ANKS1B: variants seen among roughly 807,000 people sequenced by gnomAD.
ANKS1B encodes ankyrin repeat and sterile alpha motif domain-containing protein 1B.
Under a neutral mutation model 148.3 loss-of-function variants are expected in ANKS1B, and 36 were observed. The observed-to-expected ratio is 0.24, with a 90% confidence interval of 0.19 to 0.32. The LOEUF (loss-of-function observed/expected upper bound fraction) is 0.32. ANKS1B is among the 10% of genes least tolerant of loss of function. The pLI, the probability that ANKS1B is intolerant of heterozygous loss-of-function variation, is 1.00. For synonymous variants in ANKS1B, 542 were observed against 560.8 expected (o/e 0.97, Z 0.47); for missense variants, 1,157 against 1,542.6 (o/e 0.75, Z 4.19).
At chr12:99,477,726 T>A (rs1357965506) in intron 10 of ANKS1B, among the ~76,000 whole-genome samples, 1 of 152,178 alleles carries the variant, frequency 6.6e-6, no homozygotes, top group African/African-American at 2.4e-5. Context: ...CACTAAGGTA[T>A]ACAAACATTT....
chr12:99,789,172 G>C (rs186644321), intron 4 of ANKS1B, among the ~76,000 whole-genome samples: 1 of 152,152 alleles, frequency 6.6e-6, no homozygotes, highest in African/African-American at 2.4e-5. Context: ...CAGAAAGACA[G>C]ACTCTGTTTC....
chr12:98,847,580 A>T (rs1004454967), intron 17 of ANKS1B, among the ~76,000 whole-genome samples: 11 of 133,102 alleles, frequency 8.3e-5, no homozygotes, highest in Admixed American at 1.6e-4. Flanking sequence ...GAGTGCAGGT[A>T]TCTCCTCAAG....
intron 23 of ANKS1B, 114 bp from the exon 24 acceptor site, chr12:98,781,317 C>T (rs754086276): frequency 1.2e-4 from 64 of 519,016 alleles, no homozygotes; most frequent in Middle Eastern, 2.9e-4. Context: ...AACAACAACA[C>T]ACACACACAC....
chr12:99,387,959 T>G (rs903569621), intron 12 of ANKS1B, among the ~76,000 whole-genome samples: 2 of 151,964 alleles, frequency 1.3e-5, no homozygotes, highest in Non-Finnish European at 2.9e-5. Context: ...AACAACATAC[T>G]TAGAAGTCCA....
rs60437256 is a variant in ANKS1B at position 99,202,188 on chromosome 12, T to C, written c.2419+42154A>G. ...CTCTTTCTATTTCCTCTTCTGCCTT[T>C]CTGCTGTGACTTTGTAATCAATAGG... On this transcript the variant is annotated intron_variant, in intron 14 of 26. Transcript: ENST00000683438. 4.1e-3 allele frequency among the ~76,000 whole-genome samples: 624 copies of C among 152,322 alleles called. 3 individuals are homozygous for C. The highest frequency in any genetic ancestry group is 0.014 in the African/African-American group (594 of 41,578).
intron 8 of ANKS1B, among the ~76,000 whole-genome samples, chr12:99,669,582 G>A (rs1230103626): frequency 6.6e-6 from 1 of 152,080 alleles, no homozygotes; most frequent in Non-Finnish European, 1.5e-5. Flanking sequence ...TTACTTGAAT[G>A]ATTGTTGGCC....
intron 10 of ANKS1B, among the ~76,000 whole-genome samples, chr12:99,502,837 T>G (rs2096669024): frequency 6.6e-6 from 1 of 152,242 alleles, no homozygotes. Flanking sequence ...TGTATGTTTA[T>G]GATTCATTAA....
At position 99,981,601 on chromosome 12, in the gene ANKS1B, A is replaced by G. The variant is rs567381250; in HGVS notation, c.134+2503T>C. On this transcript the variant is annotated intron_variant, in intron 1 of 26. Transcript: ENST00000683438. Reference sequence around the variant, plus strand: ...GTGAATAAAACAGATTCAATGAATGAGACTTAAAATGTTGTAAAACAAATC... The same window carrying G: ...GTGAATAAAACAGATTCAATGAATGGGACTTAAAATGTTGTAAAACAAATC... Among the ~76,000 whole-genome samples, 12 of 152,290 alleles carry G rather than the reference A, an allele frequency of 7.9e-5. No individual in the cohort carries two copies. In the South Asian group the frequency reaches 2.5e-3, roughly 32 times the overall value.
intron 19 of ANKS1B, among the ~76,000 whole-genome samples, chr12:98,815,818 G>A (rs552065645): frequency 9.9e-5 from 15 of 152,100 alleles, no homozygotes; most frequent in African/African-American, 2.7e-4. Context: ...CCCTTTTCTC[G>A]TTTGATTTAT....
chr12:99,615,164 A>G (rs1356644443), intron 9 of ANKS1B, among the ~76,000 whole-genome samples: 3 of 150,910 alleles, frequency 2.0e-5, no homozygotes, highest in African/African-American at 4.9e-5. Context: ...GTAGGTAGGC[A>G]GATAGATTAC....
chr12:99,575,105 T>A lies in ANKS1B; in HGVS notation c.1273-70464A>T, dbSNP rs368680960. 5.3e-4 allele frequency among the ~76,000 whole-genome samples: 81 copies of A among 152,164 alleles called. No homozygotes were observed. In the East Asian group the frequency reaches 0.013, roughly 24 times the overall value. ...AAGGTCAATATATATCAGTAAACCA[T>A]TGGACAGATCCTCCAAAGTCTTAAA... On this transcript the variant is annotated intron_variant, in intron 9 of 26. Coordinates refer to ENST00000683438, the MANE Select transcript of ANKS1B (RefSeq NM_001352186.2).
At chr12:99,958,545 G>A (rs935664167) in intron 1 of ANKS1B, among the ~76,000 whole-genome samples, 3 of 152,136 alleles carry the variant, frequency 2.0e-5, no homozygotes, top group African/African-American at 7.2e-5. Context: ...ACCATGCCTA[G>A]CTAATTTTTT....
chr12:99,156,265 C>T (rs2076041853), intron 14 of ANKS1B, among the ~76,000 whole-genome samples: 2 of 152,112 alleles, frequency 1.3e-5, no homozygotes, highest in Non-Finnish European at 2.9e-5. Flanking sequence ...TTTAAGTTTA[C>T]AGAACTGCCA....
At chr12:98,772,738 G>C (rs2098604192) in intron 25 of ANKS1B, among the ~76,000 whole-genome samples, 1 of 152,132 alleles carries the variant, frequency 6.6e-6, no homozygotes, top group Non-Finnish European at 1.5e-5. Flanking sequence ...TAGGGACACA[G>C]CCAAACCATA....
chr12:99,603,478 T>C (rs536088187), intron 9 of ANKS1B, among the ~76,000 whole-genome samples: 1 of 152,094 alleles, frequency 6.6e-6, no homozygotes, highest in Non-Finnish European at 1.5e-5. Flanking sequence ...ATTGGCTCCA[T>C]AATGTCAACC....
intron 16 of ANKS1B, among the ~76,000 whole-genome samples, chr12:99,076,304 T>C (rs2047863821): frequency 6.6e-6 from 1 of 151,408 alleles, no homozygotes; most frequent in Admixed American, 6.6e-5. Flanking sequence ...CTCAGGAGGG[T>C]AAGGGAAGGA....
chr12:99,473,399 A>C (rs1242340277), intron 10 of ANKS1B, among the ~76,000 whole-genome samples: 1 of 152,184 alleles, frequency 6.6e-6, no homozygotes, highest in African/African-American at 2.4e-5. Flanking sequence ...TCTTACAAAC[A>C]ATATTGCAGT....
intron 9 of ANKS1B, among the ~76,000 whole-genome samples, chr12:99,575,537 G>A (rs907711510): frequency 6.6e-6 from 1 of 152,088 alleles, no homozygotes; most frequent in Admixed American, 6.6e-5. Flanking sequence ...CACAATTATG[G>A]TGGAAGAACA....
At chr12:98,950,228 G>T (rs566256397) in intron 17 of ANKS1B, among the ~76,000 whole-genome samples, 9 of 152,304 alleles carry the variant, frequency 5.9e-5, no homozygotes, top group Admixed American at 1.3e-4. Context: ...TGAGTATAGT[G>T]GCTCATGCCT....
Sources: gnomAD v4.1 joint callset for allele counts (sites outside exome capture counted in the v4.1 genomes callset) on GRCh38, gnomAD v4.1.1 for gene constraint, MANE v1.5 for transcripts, NCBI Gene and HGNC (gene_info 2026-07-23, HGNC 2026-07-21) for gene names.